The following CCDC91 variants were observed in gnomAD, a reference collection of about 807,000 sequenced individuals.
CCDC91 encodes the protein coiled-coil domain containing 91, also known as coiled-coil domain-containing protein 91.
Under a neutral mutation model 63.2 loss-of-function variants are expected in CCDC91, and 48 were observed. The observed-to-expected ratio is 0.76, with a 90% confidence interval of 0.60 to 0.97. CCDC91 has a LOEUF of 0.97. Ranked by LOEUF, CCDC91 falls within the 50% of genes least tolerant of loss-of-function variation. The probability of loss-of-function intolerance (pLI) is 0.00; values close to 1 mark genes in which losing one functional copy is unlikely to be tolerated. For synonymous variants in CCDC91, 167 were observed against 165.8 expected, an observed-to-expected ratio of 1.01 and a Z score of -0.06; for missense variants, 500 against 494.6, an observed-to-expected ratio of 1.01 and a Z score of -0.10.
chr12:28,336,774 C>T (rs1942014270), intron 6 of CCDC91, among the ~76,000 whole-genome samples: 1 of 151,966 alleles, frequency 6.6e-6, no homozygotes, highest in South Asian at 2.1e-4. Flanking sequence ...CACCTATCTG[C>T]CCCTAATGTA....
intron 1 of CCDC91, among the ~76,000 whole-genome samples, chr12:28,212,369 T>G (rs1398788213): frequency 6.6e-6 from 1 of 152,084 alleles, no homozygotes; most frequent in Non-Finnish European, 1.5e-5. Context: ...GGAAATGAAG[T>G]ACAGAAATGG....
chr12:28,492,633 G>A (rs1390468087), intron 12 of CCDC91, among the ~76,000 whole-genome samples: 2 of 151,394 alleles, frequency 1.3e-5, no homozygotes, highest in African/African-American at 4.8e-5. Context: ...GCAGTAGTTA[G>A]AACCAGTGAA....
intron 7 of CCDC91, among the ~76,000 whole-genome samples, chr12:28,377,522 T>C (rs1592483350): frequency 6.6e-6 from 1 of 151,946 alleles, no homozygotes; most frequent in African/African-American, 2.4e-5. Context: ...TTATGTTTCT[T>C]GGCCCATCTG....
At chr12:28,522,498 A>G (rs567594899) in intron 12 of CCDC91, among the ~76,000 whole-genome samples, 2 of 152,078 alleles carry the variant, frequency 1.3e-5, no homozygotes, top group African/African-American at 4.8e-5. Context: ...CGGTCTATCA[A>G]TTTTATTGAT....
intron 6 of CCDC91, among the ~76,000 whole-genome samples, chr12:28,327,105 TC>T: frequency 6.6e-6 from 1 of 152,232 alleles, no homozygotes; most frequent in African/African-American, 2.4e-5. Context: ...TAGGGTTTCT[TC>T]CAATACTTGT....
intron 8 of CCDC91, among the ~76,000 whole-genome samples, chr12:28,397,157 A>C (rs560747118): frequency 4.6e-5 from 7 of 152,318 alleles, no homozygotes; most frequent in African/African-American, 1.7e-4. Context: ...GCATTTTGCA[A>C]AGAGAGAGTT....
At chr12:28,200,901 GGGCTGACCCCGCCACCTCCCT>G (rs1447376263) in intron 1 of CCDC91, among the ~76,000 whole-genome samples, 1 of 151,336 alleles carries the variant, frequency 6.6e-6, no homozygotes, top group Non-Finnish European at 1.5e-5. Flanking sequence ...GCCGGGCGGG[GGGCTGACCCCGCCACCTCCCT>G]TCCGGACGGG....
At chr12:28,419,225 A>G (rs992769960) in intron 8 of CCDC91, among the ~76,000 whole-genome samples, 4 of 152,176 alleles carry the variant, frequency 2.6e-5, no homozygotes, top group African/African-American at 9.6e-5. Flanking sequence ...ATTAGTAAGA[A>G]AAGGATAAGC....
rs113655389 is a variant in CCDC91 at position 28,413,726 on chromosome 12, G to A, written c.762+22315G>A. 9.6e-3 allele frequency among the ~76,000 whole-genome samples: 1,456 copies of A among 152,272 alleles called. 20 individuals carry two copies. The highest frequency in any genetic ancestry group is 0.034 in the African/African-American group (1,394 of 41,540). ...TTTCCATTGCTTCTGTTGGGTGATT[G>A]CAGTTCATAAAAGCATGCTTTTACC... On this transcript the variant is annotated intron_variant, in intron 8 of 12. Transcript: ENST00000536442.
chr12:28,419,567 T>G, intron 8 of CCDC91, among the ~76,000 whole-genome samples: 1 of 152,130 alleles, frequency 6.6e-6, no homozygotes, highest in Non-Finnish European at 1.5e-5. Context: ...AGTAGAATAT[T>G]GGACAAAATT....
intron 3 of CCDC91, among the ~76,000 whole-genome samples, chr12:28,298,699 A>G (rs1592240408): frequency 6.7e-6 from 1 of 149,938 alleles, no homozygotes; most frequent in African/African-American, 2.4e-5. Context: ...ACTGTCCTCC[A>G]TTTTATGTTA....
intron 1 of CCDC91, among the ~76,000 whole-genome samples, chr12:28,232,516 C>T (rs1944666987): frequency 6.6e-6 from 1 of 151,880 alleles, no homozygotes; most frequent in Non-Finnish European, 1.5e-5. Flanking sequence ...CTTAGCTTCT[C>T]ACATAACAAC....
chr12:28,392,803 A>G (rs533684363), intron 8 of CCDC91, among the ~76,000 whole-genome samples: 1 of 152,342 alleles, frequency 6.6e-6, no homozygotes, highest in South Asian at 2.1e-4. Flanking sequence ...TAGGAGGGGA[A>G]TAGTGTGCTG....
chr12:28,502,536 C>T (rs1388556785), intron 12 of CCDC91, among the ~76,000 whole-genome samples: 1 of 149,426 alleles, frequency 6.7e-6, no homozygotes, highest in Non-Finnish European at 1.5e-5. Flanking sequence ...CAATGCCATC[C>T]CCATCAAGCT....
intron 11 of CCDC91, among the ~76,000 whole-genome samples, chr12:28,482,061 G>A (rs760862652): frequency 3.9e-4 from 59 of 151,968 alleles, no homozygotes; most frequent in African/African-American, 8.4e-4. Context: ...TCACCTGTTA[G>A]CAAAACCTGA....
At chr12:28,345,096 T>C (rs1306708984) in intron 6 of CCDC91, among the ~76,000 whole-genome samples, 1 of 152,122 alleles carries the variant, frequency 6.6e-6, no homozygotes, top group Non-Finnish European at 1.5e-5. Flanking sequence ...TTTTAAAAAG[T>C]ACAAAAGGCT....
intron 12 of CCDC91, among the ~76,000 whole-genome samples, chr12:28,490,640 G>A (rs111519713): frequency 2.6e-5 from 4 of 151,888 alleles, no homozygotes; most frequent in African/African-American, 9.6e-5. Flanking sequence ...GTTAGTGAAG[G>A]CAATGAAGTA....
At chr12:28,378,940 G>A (rs1416664140) in intron 7 of CCDC91, among the ~76,000 whole-genome samples, 3 of 152,000 alleles carry the variant, frequency 2.0e-5, no homozygotes, top group Admixed American at 6.6e-5. Context: ...AACTTTGCAT[G>A]CACAGCTATT....
In CCDC91 at chr12:28,542,648, C is replaced by T. The variant is rs183015283; in HGVS notation, c.1216-6415C>T. Among the ~76,000 whole-genome samples, 493 of 152,090 alleles carry T rather than the reference C, an allele frequency of 3.2e-3. 5 individuals are homozygous for T. The Middle Eastern group carries it at 0.034, about 10-fold the overall frequency. On this transcript the variant is annotated intron_variant, in intron 12 of 12. Coordinates refer to ENST00000536442, the MANE Select transcript of CCDC91 (RefSeq NM_018318.5). ...CAGATTATGTTGAATATTTTAGAGTCCAAATTATTCTTAACATGTATTTTA... is the reference window on the plus strand; with the variant it reads ...CAGATTATGTTGAATATTTTAGAGTTCAAATTATTCTTAACATGTATTTTA...
Sources: gnomAD v4.1 joint callset for allele counts (sites outside exome capture counted in the v4.1 genomes callset) on GRCh38, gnomAD v4.1.1 for gene constraint, MANE v1.5 for transcripts, NCBI Gene and HGNC (gene_info 2026-07-23, HGNC 2026-07-21) for gene names.